CPNE8: variants seen among roughly 807,000 people sequenced by gnomAD.
CPNE8 encodes the protein copine 8.
Under a neutral mutation model 81.5 loss-of-function variants are expected in CPNE8, and 45 were observed. That is an observed-to-expected ratio of 0.55 (90% CI 0.44 to 0.71). The LOEUF (loss-of-function observed/expected upper bound fraction) is 0.71, where lower values mean the gene tolerates loss of function less well. Ranked by LOEUF, CPNE8 falls within the 30% of genes least tolerant of loss-of-function variation. The probability of loss-of-function intolerance (pLI) is 0.00; values close to 1 mark genes in which losing one functional copy is unlikely to be tolerated. For missense variants in CPNE8, 594 were observed against 672.1 expected, an observed-to-expected ratio of 0.88 and a Z score of 1.28; for synonymous variants, 252 against 226.3, an observed-to-expected ratio of 1.11 and a Z score of -1.02.
intron 10 of CPNE8, among the ~76,000 whole-genome samples, chr12:38,755,699 A>G (rs908900780): frequency 6.6e-5 from 10 of 152,196 alleles, no homozygotes; most frequent in Non-Finnish European, 1.5e-4. Context: ...TACCAATGTC[A>G]AGCAATGCCT....
intron 1 of CPNE8, among the ~76,000 whole-genome samples, chr12:38,901,191 A>G (rs1944456737): frequency 6.6e-6 from 1 of 152,236 alleles, no homozygotes; most frequent in Admixed American, 6.5e-5. Flanking sequence ...ACTGCACTCC[A>G]GCCTGGGCCA....
At chr12:38,873,473 A>C (rs1944021163) in intron 2 of CPNE8, among the ~76,000 whole-genome samples, 1 of 152,236 alleles carries the variant, frequency 6.6e-6, no homozygotes, top group Non-Finnish European at 1.5e-5. Context: ...TTTAATATTT[A>C]TAACTTCCAC....
chr12:38,790,241 T>C (rs1480786733), intron 6 of CPNE8, among the ~76,000 whole-genome samples: 2 of 151,792 alleles, frequency 1.3e-5, no homozygotes, highest in Non-Finnish European at 1.5e-5. Context: ...CTGATCATAA[T>C]GGAGTACTAT....
chr12:38,893,007 TA>T (rs145617759), intron 1 of CPNE8, among the ~76,000 whole-genome samples: 32 of 148,930 alleles, frequency 2.1e-4, no homozygotes, highest in East Asian at 1.4e-3. Context: ...AATAGTTCTT[TA>T]AAAAAAAAAC....
At chr12:38,901,560 A>T (rs1036187845) in intron 1 of CPNE8, among the ~76,000 whole-genome samples, 6 of 152,234 alleles carry the variant, frequency 3.9e-5, no homozygotes, top group African/African-American at 1.4e-4. Context: ...TAATTAAGTA[A>T]GCTAATTAAT....
In CPNE8 at chr12:38,702,863, CA is replaced by C. The variant is rs1939981695; in HGVS notation, c.961+11del. 6.6e-7 allele frequency: 1 copy of C among 1,511,446 alleles called. No homozygotes were observed. Among genetic ancestry groups the C allele is most frequent in the East Asian group, 2.4e-5 (1 of 41,662 alleles). The allele number at this position is 1,511,446 out of a possible 1,614,324, so 93.6% of individuals were successfully genotyped here. On this transcript the variant is annotated intron_variant, in intron 14 of 19. Coordinates refer to ENST00000331366, the MANE Select transcript of CPNE8 (RefSeq NM_153634.3). ...CTGATGATTTTTATCAGGGGATAAT[CA>C]AAACACTCACCGTTTGATGCTGTAA...
At chr12:38,881,424 G>A (rs1944156444) in intron 1 of CPNE8, among the ~76,000 whole-genome samples, 1 of 152,106 alleles carries the variant, frequency 6.6e-6, no homozygotes, top group South Asian at 2.1e-4. Context: ...TCCTCTGGTA[G>A]CCTGAATATA....
intron 18 of CPNE8, among the ~76,000 whole-genome samples, chr12:38,672,576 T>C (rs1049476788): frequency 1.1e-4 from 16 of 152,332 alleles, no homozygotes; most frequent in African/African-American, 3.6e-4. Context: ...GGAGACACAA[T>C]GAAGTTAGAA....
chr12:38,863,185 C>T (rs981767294), intron 3 of CPNE8, among the ~76,000 whole-genome samples: 9 of 152,122 alleles, frequency 5.9e-5, no homozygotes, highest in African/African-American at 1.2e-4. Context: ...ACATGGCATA[C>T]GTGCGTATTA....
intron 1 of CPNE8, among the ~76,000 whole-genome samples, chr12:38,877,362 T>TA (rs2137114671): frequency 1.3e-5 from 2 of 152,118 alleles, no homozygotes; most frequent in East Asian, 3.9e-4. Context: ...AAAATAAACA[T>TA]ACACACACCC....
intron 6 of CPNE8, among the ~76,000 whole-genome samples, chr12:38,825,635 C>T (rs1471213095): frequency 6.6e-6 from 1 of 152,214 alleles, no homozygotes; most frequent in Non-Finnish European, 1.5e-5. Context: ...TATCTTCTCT[C>T]AAAGTACCTG....
chr12:38,886,152 G>C (rs1469808061), intron 1 of CPNE8, among the ~76,000 whole-genome samples: 3 of 152,156 alleles, frequency 2.0e-5, no homozygotes, highest in African/African-American at 7.2e-5. Flanking sequence ...CCCCACTTCA[G>C]TACAATCACC....
At chr12:38,696,783 G>A (rs1018117222) in intron 14 of CPNE8, among the ~76,000 whole-genome samples, 1 of 152,186 alleles carries the variant, frequency 6.6e-6, no homozygotes, top group Non-Finnish European at 1.5e-5. Context: ...GGTGGCTCAT[G>A]CCTGTAATCC....
chr12:38,797,787 G>C (rs980018365), intron 6 of CPNE8, among the ~76,000 whole-genome samples: 2 of 152,204 alleles, frequency 1.3e-5, no homozygotes, highest in East Asian at 3.9e-4. Context: ...TGGCAAAGAA[G>C]TTAAAAACTT....
chr12:38,676,767 T>C (rs1939298781), intron 17 of CPNE8, among the ~76,000 whole-genome samples: 1 of 152,216 alleles, frequency 6.6e-6, no homozygotes, highest in Non-Finnish European at 1.5e-5. Context: ...CATCTTTCGC[T>C]ATGAAGATCA....
intron 13 of CPNE8, among the ~76,000 whole-genome samples, chr12:38,718,073 A>G (rs1940453681): frequency 6.6e-6 from 1 of 152,078 alleles, no homozygotes; most frequent in African/African-American, 2.4e-5. Flanking sequence ...TAATTCCACA[A>G]ATCTTCAAAT....
chr12:38,859,465 T>C (rs1381657037), intron 3 of CPNE8, among the ~76,000 whole-genome samples: 2 of 152,162 alleles, frequency 1.3e-5, no homozygotes, highest in African/African-American at 4.8e-5. Flanking sequence ...TCCATGTTAA[T>C]GGATTGGAAA....
chr12:38,731,318 C>A (rs1940826353), intron 10 of CPNE8, among the ~76,000 whole-genome samples: 1 of 151,878 alleles, frequency 6.6e-6, no homozygotes, highest in Non-Finnish European at 1.5e-5. Context: ...CTATTCCTTG[C>A]CATAAAACTG....
At chr12:38,768,255 A>G (rs1053994711) in intron 7 of CPNE8, among the ~76,000 whole-genome samples, 1 of 152,088 alleles carries the variant, frequency 6.6e-6, no homozygotes, top group Non-Finnish European at 1.5e-5. Flanking sequence ...TTAATCATAT[A>G]CAAGTGTAGT....
Sources: allele counts gnomAD v4.1 joint callset (sites outside exome capture counted in the v4.1 genomes callset), GRCh38; gene constraint gnomAD v4.1.1; transcripts MANE v1.5; gene names NCBI Gene and HGNC (gene_info 2026-07-23, HGNC 2026-07-21).